The following STXBP5L variants were observed in gnomAD, a reference collection of about 807,000 sequenced individuals.
STXBP5L encodes syntaxin binding protein 5L.
STXBP5L carries 65 observed loss-of-function variants against 144.5 expected under a neutral mutation model. The ratio of observed to expected loss-of-function variants is 0.45; its 90% CI spans 0.37 to 0.55. STXBP5L has a LOEUF of 0.55. Among genes scored for constraint, STXBP5L ranks in the 20% least tolerant of loss-of-function variants. STXBP5L has a pLI of 0.00. For synonymous variants in STXBP5L, 505 were observed against 469.6 expected, an observed-to-expected ratio of 1.08 and a Z score of -0.97; for missense variants, 1,298 against 1,405.5, an observed-to-expected ratio of 0.92 and a Z score of 1.22.
intron 19 of STXBP5L, among the ~76,000 whole-genome samples, chr3:121,315,756 C>T (rs2043763549): frequency 6.6e-6 from 1 of 152,004 alleles, no homozygotes; most frequent in Non-Finnish European, 1.5e-5. Flanking sequence ...AATCCCAGCA[C>T]TTTGGGAGGC....
At chr3:121,061,842 TA>T (rs1240410567) in intron 5 of STXBP5L, among the ~76,000 whole-genome samples, 1 of 152,188 alleles carries the variant, frequency 6.6e-6, no homozygotes, top group Non-Finnish European at 1.5e-5. Flanking sequence ...TCCATCCCTT[TA>T]TTTTGAGCCT....
At chr3:121,242,301 C>T (rs1504535) in intron 14 of STXBP5L, among the ~76,000 whole-genome samples, 18,310 of 152,018 alleles carry the variant, frequency 0.12, 1,157 homozygotes, top group Non-Finnish European at 0.14. Flanking sequence ...ATTATAGTAA[C>T]AGAGTCTGAT....
intron 20 of STXBP5L, among the ~76,000 whole-genome samples, chr3:121,350,471 T>C (rs1270456194): frequency 1.3e-5 from 2 of 152,084 alleles, no homozygotes; most frequent in East Asian, 1.9e-4. Context: ...ATCTTTGTGG[T>C]GTTCTCTGTA....
chr3:121,070,212 G>C (rs541667543), intron 5 of STXBP5L, among the ~76,000 whole-genome samples: 1 of 152,288 alleles, frequency 6.6e-6, no homozygotes, highest in South Asian at 2.1e-4. Flanking sequence ...TACGTGAGGC[G>C]AGAAGTAAGT....
Position 121,051,953 on chromosome 3 carries a change from C to T in STXBP5L, c.470+6418C>T, listed in dbSNP as rs555368351. ...TACCATCAGAGAATATTACAAACAC[C>T]TCTATGGAAATAAACTAGAAAATCT... is the stretch of plus-strand genomic sequence containing the variant. On this transcript the variant is annotated intron_variant, in intron 5 of 26. Coordinates refer to ENST00000471454, the MANE Select transcript of STXBP5L (RefSeq NM_001308330.2). Among the ~76,000 whole-genome samples the T allele has an allele frequency of 1.6e-3, 249 of 152,264 alleles. 1 individual carries two copies. Among genetic ancestry groups the T allele is most frequent in the African/African-American group, 5.8e-3 (242 of 41,546 alleles).
At chr3:121,024,455 C>T (rs1451543528) in intron 3 of STXBP5L, among the ~76,000 whole-genome samples, 1 of 152,052 alleles carries the variant, frequency 6.6e-6, no homozygotes, top group Admixed American at 6.6e-5. Context: ...GATATCTCTA[C>T]TCTTGGTGTT....
intron 20 of STXBP5L, among the ~76,000 whole-genome samples, chr3:121,329,722 A>G (rs924254578): frequency 6.6e-6 from 1 of 152,038 alleles, no homozygotes; most frequent in African/African-American, 2.4e-5. Context: ...TTAGCCAGGC[A>G]TGGTGGCAGG....
At chr3:121,403,139 C>A (rs1393821964) in intron 22 of STXBP5L, among the ~76,000 whole-genome samples, 1 of 152,138 alleles carries the variant, frequency 6.6e-6, no homozygotes, top group Non-Finnish European at 1.5e-5. Flanking sequence ...CATCTACCAA[C>A]CTATCTGCTT....
intron 18 of STXBP5L, among the ~76,000 whole-genome samples, chr3:121,263,513 C>G (rs1028097545): frequency 3.3e-5 from 5 of 152,082 alleles, no homozygotes; most frequent in Admixed American, 1.3e-4. Flanking sequence ...CAGGTAATAA[C>G]AAACTCCTCT....
At chr3:121,012,329 A>G (rs1436318149) in intron 3 of STXBP5L, among the ~76,000 whole-genome samples, 1 of 151,854 alleles carries the variant, frequency 6.6e-6, no homozygotes, top group Non-Finnish European at 1.5e-5. Context: ...GCATGTATTC[A>G]GGAAGGGAAT....
chr3:121,338,993 G>C (rs1454923133), intron 20 of STXBP5L, among the ~76,000 whole-genome samples: 2 of 152,004 alleles, frequency 1.3e-5, no homozygotes, highest in Non-Finnish European at 2.9e-5. Context: ...CGCCAATTTT[G>C]CTGAAACTAT....
At chr3:121,163,013 C>T (rs188472754) in intron 9 of STXBP5L, among the ~76,000 whole-genome samples, 4 of 152,070 alleles carry the variant, frequency 2.6e-5, no homozygotes, top group Non-Finnish European at 2.9e-5. Context: ...GACAGTCTGG[C>T]GATTCCTCAA....
At chr3:120,929,223 G>T (rs905388432) in intron 2 of STXBP5L, among the ~76,000 whole-genome samples, 1 of 152,156 alleles carries the variant, frequency 6.6e-6, no homozygotes, top group Non-Finnish European at 1.5e-5. Flanking sequence ...CTGGGCTGAT[G>T]ATTGCAGAGA....
chr3:121,197,887 G>C (rs1208738971), intron 9 of STXBP5L, among the ~76,000 whole-genome samples: 1 of 152,138 alleles, frequency 6.6e-6, no homozygotes, highest in Non-Finnish European at 1.5e-5. Flanking sequence ...TCTTAATCCA[G>C]TCTATCACTG....
chr3:121,281,120 A>G (rs1255213935), intron 19 of STXBP5L, among the ~76,000 whole-genome samples: 2 of 151,924 alleles, frequency 1.3e-5, no homozygotes, highest in Non-Finnish European at 2.9e-5. Flanking sequence ...CAAATGTGAT[A>G]ATAAATGAAT....
rs190434949 is a variant in STXBP5L, at chr3:121,076,513, A to G, written c.470+30978A>G. The stretch of plus-strand genomic sequence containing the variant: ...TACAGTAGGTCTTAAAGTAGGCTGC[A>G]GTGCCCTGCAGCCACTCAGGGCAGG... On this transcript the variant is annotated intron_variant, in intron 5 of 26. Coordinates refer to ENST00000471454, the MANE Select transcript of STXBP5L (RefSeq NM_001308330.2). 2.2e-3 allele frequency among the ~76,000 whole-genome samples: 329 copies of G among 152,248 alleles called. 3 individuals carry two copies. Among genetic ancestry groups the G allele is most frequent in the Non-Finnish European group, 3.5e-3 (239 of 68,008 alleles).
chr3:120,934,841 A>G (rs919746886), intron 2 of STXBP5L, among the ~76,000 whole-genome samples: 4 of 152,088 alleles, frequency 2.6e-5, no homozygotes, highest in Admixed American at 2.6e-4. Context: ...TAGTGTTTGC[A>G]TAGTATCTTT....
At chr3:121,366,705 A>G (rs1470891022) in intron 20 of STXBP5L, among the ~76,000 whole-genome samples, 1 of 152,058 alleles carries the variant, frequency 6.6e-6, no homozygotes, top group Non-Finnish European at 1.5e-5. Context: ...GTCAATCTCT[A>G]TCTTTTGAGT....
intron 3 of STXBP5L, among the ~76,000 whole-genome samples, chr3:120,995,065 A>G (rs1943232433): frequency 6.6e-6 from 1 of 152,252 alleles, no homozygotes; most frequent in South Asian, 2.1e-4. Context: ...TTGATATATT[A>G]AGACATTTAC....
Sources: allele counts gnomAD v4.1 joint callset (sites outside exome capture counted in the v4.1 genomes callset), GRCh38; gene constraint gnomAD v4.1.1; transcripts MANE v1.5; gene names NCBI Gene and HGNC (gene_info 2026-07-23, HGNC 2026-07-21).